Variants in ZNF398 observed in about 807,000 individuals in gnomAD.
ZNF398 encodes the protein zinc finger protein 398.
Under a neutral mutation model 41.9 loss-of-function variants are expected in ZNF398, and 18 were observed. The ratio of observed to expected loss-of-function variants is 0.43; its 90% CI spans 0.30 to 0.64. The LOEUF (loss-of-function observed/expected upper bound fraction) is 0.64. Ranked by LOEUF, ZNF398 falls within the 30% of genes least tolerant of loss-of-function variation. ZNF398 has a pLI of 0.14. For synonymous variants in ZNF398, 260 were observed against 308.8 expected, an observed-to-expected ratio of 0.84 and a Z score of 1.66; for missense variants, 669 against 822.8, an observed-to-expected ratio of 0.81 and a Z score of 2.29.
chr7:149,134,371 G>A (rs866166050), intron 2 of ZNF398, among the ~76,000 whole-genome samples: 1 of 151,558 alleles, frequency 6.6e-6, no homozygotes, highest in African/African-American at 2.4e-5. Flanking sequence ...GATTACAGGT[G>A]TGAGCCACCA....
Position 149,181,059 on chromosome 7 carries a change from T to G in ZNF398, c.*1258T>G, listed in dbSNP as rs1233978597. ...GGGGTGATTTAATCACCTGGGAGCA[T>G]CTGAGTCTGCTCCTAAGTGGCTTTG... On this transcript the variant is annotated 3_prime_UTR_variant, in exon 6 of 6. Coordinates refer to ENST00000475153, the MANE Select transcript of ZNF398 (RefSeq NM_170686.3). 1.3e-5 allele frequency: 2 copies of G among 152,674 alleles called. No individual in the cohort carries two copies. Among genetic ancestry groups the G allele is most frequent in the African/African-American group, 4.8e-5 (2 of 41,468 alleles). 9.5% of individuals were successfully genotyped at this position (152,674 alleles called of 1,614,324 possible). A position where few individuals can be genotyped will look rare whatever the true frequency, so the allele number is the denominator to read the frequency against.
chr7:149,139,780 G>C lies in ZNF398; in HGVS notation c.-490+10836G>C, dbSNP rs572188371. On this transcript the variant is annotated intron_variant, in intron 2 of 6. Transcript: ENST00000426851. The stretch of plus-strand genomic sequence containing the variant: ...CAGCACTTTGGGAGGCTGAGATGGA[G>C]GGATCACGAGGTCAGGAGATCGAGA... Among the ~76,000 whole-genome samples the C allele has an allele frequency of 3.2e-4, 48 of 151,916 alleles. 1 individual carries two copies. The highest frequency in any genetic ancestry group is 6.8e-3 in the Middle Eastern group (2 of 292).
At chr7:149,164,429 A>T (rs1463346832) in intron 2 of ZNF398, among the ~76,000 whole-genome samples, 10 of 152,104 alleles carry the variant, frequency 6.6e-5, no homozygotes, top group Non-Finnish European at 2.9e-5. Flanking sequence ...ATAAAAATAA[A>T]AAAAGAGAAA....
rs1795615369 is a variant in ZNF398 at position 149,182,554 on chromosome 7, C to T, written c.*2753C>T. On this transcript the variant is annotated 3_prime_UTR_variant, in exon 6 of 6. Coordinates refer to ENST00000475153, the MANE Select transcript of ZNF398 (RefSeq NM_170686.3). ...CAGTTAAAGAAATACATGAGAACTG[C>T]TTGTCATGACCAGACAAGATAGGAA... The T allele has an allele frequency of 6.6e-6, 1 of 152,202 alleles. No individual in the cohort carries two copies. The highest frequency in any genetic ancestry group is 6.5e-5 in the Admixed American group (1 of 15,278). The allele number at this position is 152,202 out of a possible 1,614,324, so 9.4% of individuals were successfully genotyped here. A position where few individuals can be genotyped will look rare whatever the true frequency, so the allele number is the denominator to read the frequency against.
chr7:149,133,678 T>TATATATATACACACAC (rs1483673161), intron 2 of ZNF398, among the ~76,000 whole-genome samples: 29 of 67,012 alleles, frequency 4.3e-4, no homozygotes, highest in African/African-American at 1.5e-3. Context: ...TATATATATA[T>TATATATATACACACAC]ACATATATAT....
chr7:149,138,848 CA>C (rs1458794283), intron 2 of ZNF398, among the ~76,000 whole-genome samples: 1 of 151,682 alleles, frequency 6.6e-6, no homozygotes, highest in African/African-American at 2.4e-5. Context: ...CTCTGGGGTT[CA>C]ATTGATCCTC....
intron 1 of ZNF398, among the ~76,000 whole-genome samples, chr7:149,150,328 A>G (rs1827080440): frequency 6.6e-6 from 1 of 152,126 alleles, no homozygotes; most frequent in South Asian, 2.1e-4. Flanking sequence ...GCTGTGTACC[A>G]TGGCTCACAC....
intron 1 of ZNF398, chr7:149,151,419 G>C: frequency 4.1e-6 from 1 of 244,820 alleles, no homozygotes; most frequent in Non-Finnish European, 7.3e-6. Flanking sequence ...ATAAAGTAGT[G>C]GGTGAGTTGG....
At chr7:149,172,036 C>G (rs1795353757) in intron 4 of ZNF398, among the ~76,000 whole-genome samples, 1 of 152,138 alleles carries the variant, frequency 6.6e-6, no homozygotes, top group African/African-American at 2.4e-5. Flanking sequence ...CAAAACTGTC[C>G]TTATATTCAG....
intron 3 of ZNF398, 114 bp from the exon 4 acceptor site, chr7:149,166,702 TA>T: frequency 1.5e-6 from 1 of 666,324 alleles, no homozygotes; most frequent in Non-Finnish European, 2.6e-6. Flanking sequence ...ATATGAAATC[TA>T]AAAGAAATTC....
chr7:149,179,373 C>A lies in ZNF398; in HGVS notation c.1501C>A (p.His501Asn). 6.2e-7 allele frequency: 1 copy of A among 1,612,980 alleles called. No homozygotes were observed. Among genetic ancestry groups the A allele is most frequent in the Non-Finnish European group, 8.5e-7 (1 of 1,179,834 alleles). ...DFNGHSALIR[H>N]QMIHTGERPY... ...CAACGGCCACTCGGCCCTGATCCGC[C>A]ACCAGATGATCCACACAGGCGAGCG... is the stretch of plus-strand genomic sequence containing the variant. Residue 501 changes from histidine (H) to asparagine (N), a missense_variant, in exon 6 of 6, where the codon CAC (histidine) becomes AAC (asparagine). Transcript: ENST00000475153. This position sits in a 1 kb window ranked among gnomAD's most constrained non-coding sequence, Gnocchi z 6.1.
chr7:149,130,818 G>A lies in ZNF398; in HGVS notation c.-490+1874G>A, dbSNP rs533685358. Among the ~76,000 whole-genome samples the A allele has an allele frequency of 1.6e-4, 24 of 152,258 alleles. No homozygotes were observed. The South Asian group carries it at 3.3e-3, about 21-fold the overall frequency. On this transcript the variant is annotated intron_variant, in intron 2 of 6. Coordinates refer to the ZNF398 transcript ENST00000426851. ...GCTGAGGAGATGGGAGATGGGAGATGGGAGATCAGTCTCAAATCCATCTCC... is the reference window on the plus strand; with the variant it reads ...GCTGAGGAGATGGGAGATGGGAGATAGGAGATCAGTCTCAAATCCATCTCC...
chr7:149,177,280 T>C (rs1436342222), intron 5 of ZNF398, among the ~76,000 whole-genome samples: 1 of 152,124 alleles, frequency 6.6e-6, no homozygotes, highest in East Asian at 1.9e-4. Context: ...GGACGACTTA[T>C]ATAAATGAAT....
intron 2 of ZNF398, among the ~76,000 whole-genome samples, chr7:149,164,006 G>A (rs1443015757): frequency 2.0e-5 from 3 of 152,148 alleles, no homozygotes; most frequent in Non-Finnish European, 4.4e-5. Context: ...CAGCTACTTG[G>A]GAGGCTGAGG....
intron 2 of ZNF398, among the ~76,000 whole-genome samples, chr7:149,136,425 A>G (rs751489199): frequency 4.6e-5 from 7 of 152,140 alleles, no homozygotes; most frequent in Admixed American, 6.6e-5. Context: ...CTCACTTCCC[A>G]GTTTAAATTT....
chr7:149,168,152 C>T (rs1795262066), intron 4 of ZNF398, among the ~76,000 whole-genome samples: 1 of 152,050 alleles, frequency 6.6e-6, no homozygotes, highest in African/African-American at 2.4e-5. Context: ...GATCTTGGCT[C>T]ACTGCAACCT....
chr7:149,150,329 T>TG, intron 1 of ZNF398, among the ~76,000 whole-genome samples: 1 of 152,174 alleles, frequency 6.6e-6, no homozygotes, highest in Non-Finnish European at 1.5e-5. Flanking sequence ...CTGTGTACCA[T>TG]GGCTCACACC....
chr7:149,128,499 C>T (rs937844611), intron 1 of ZNF398, among the ~76,000 whole-genome samples: 1 of 152,022 alleles, frequency 6.6e-6, no homozygotes, highest in Non-Finnish European at 1.5e-5. Flanking sequence ...GTAATCCCAG[C>T]ACTTTGGGAG....
At chr7:149,166,527 G>A (rs1563163528) in intron 3 of ZNF398, among the ~76,000 whole-genome samples, 1 of 152,186 alleles carries the variant, frequency 6.6e-6, no homozygotes, top group South Asian at 2.1e-4. Flanking sequence ...GTTTCCATGG[G>A]TATCCTTCAC....
Sources: allele counts gnomAD v4.1 joint callset (sites outside exome capture counted in the v4.1 genomes callset), GRCh38; gene constraint gnomAD v4.1.1; non-coding constraint Gnocchi (gnomAD v3.1); transcripts MANE v1.5; gene names NCBI Gene and HGNC (gene_info 2026-07-23, HGNC 2026-07-21).